Variants in TENM3 observed in about 807,000 individuals in gnomAD.
TENM3 encodes the protein teneurin-3.
In TENM3, 63 loss-of-function variants were observed where a neutral mutation model predicts 255.1. The observed-to-expected ratio is 0.25, with a 90% CI of 0.20 to 0.30. The LOEUF is 0.30. TENM3 is among the 10% of genes least tolerant of loss of function. TENM3 has a pLI of 1.00. For missense variants in TENM3, 2,929 were observed against 3,461.1 expected (o/e 0.85, Z 3.86); for synonymous variants, 1,306 against 1,322.3 (o/e 0.99, Z 0.27).
intron 4 of TENM3, among the ~76,000 whole-genome samples, chr4:182,618,289 A>G (rs548201761): frequency 6.6e-6 from 1 of 152,224 alleles, no homozygotes; most frequent in African/African-American, 2.4e-5. Flanking sequence ...AATTTATTAA[A>G]CTGTATTCTT....
chr4:182,067,302 G>A, the TENM3 span, among the ~76,000 whole-genome samples: 2 of 152,146 alleles, frequency 1.3e-5, no homozygotes, highest in East Asian at 3.9e-4. Flanking sequence ...GACGAACGGA[G>A]TGTTCATGAA....
the TENM3 span, among the ~76,000 whole-genome samples, chr4:181,916,397 A>G: frequency 6.2e-4 from 94 of 152,298 alleles, 1 homozygote; most frequent in African/African-American, 2.2e-3. Context: ...GCTAATAAAC[A>G]TTATCTCCAT....
the TENM3 span, among the ~76,000 whole-genome samples, chr4:181,860,423 C>T: frequency 6.6e-6 from 1 of 152,146 alleles, no homozygotes. Context: ...GCTCCTTCGC[C>T]AAGTGTTACA....
At chr4:182,382,251 G>T (rs1767623096) in intron 3 of TENM3, among the ~76,000 whole-genome samples, 1 of 151,926 alleles carries the variant, frequency 6.6e-6, no homozygotes, top group Non-Finnish European at 1.5e-5. Context: ...AAGAAAAAAG[G>T]GGCTAATTCT....
At chr4:182,463,544 C>T (rs576979923) in intron 3 of TENM3, among the ~76,000 whole-genome samples, 1 of 151,918 alleles carries the variant, frequency 6.6e-6, no homozygotes, top group South Asian at 2.1e-4. Flanking sequence ...GATCTCTGCT[C>T]ACTGCAAACT....
intron 3 of TENM3, among the ~76,000 whole-genome samples, chr4:182,558,150 A>G (rs1742763197): frequency 6.6e-6 from 1 of 152,278 alleles, no homozygotes; most frequent in South Asian, 2.1e-4. Context: ...GGAGTGCACA[A>G]GAGGAAAGAA....
intron 3 of TENM3, among the ~76,000 whole-genome samples, chr4:182,466,510 T>G (rs114453072): frequency 9.9e-4 from 150 of 152,090 alleles, no homozygotes; most frequent in African/African-American, 3.5e-3. Context: ...TTTTTATATT[T>G]TTTGTGGAGG....
At chr4:182,770,796 G>A (rs530565702) in intron 22 of TENM3, among the ~76,000 whole-genome samples, 37 of 152,258 alleles carry the variant, frequency 2.4e-4, no homozygotes, top group Middle Eastern at 3.4e-3. Context: ...TAGCTTGCAC[G>A]GAAAGGCTGT....
chr4:182,011,882 C>T, the TENM3 span, among the ~76,000 whole-genome samples: 19 of 152,192 alleles, frequency 1.2e-4, no homozygotes, highest in South Asian at 1.2e-3. Context: ...ATATAGATTC[C>T]CCTCTAGCCC....
chr4:181,516,380 AAAG>A, the TENM3 span, among the ~76,000 whole-genome samples: 68 of 151,414 alleles, frequency 4.5e-4, no homozygotes, highest in African/African-American at 1.2e-3. Flanking sequence ...AAAAAAAAAA[AAAG>A]AAAGAAAGAG....
chr4:182,304,742 G>C (rs142758644), intron 1 of TENM3, among the ~76,000 whole-genome samples: 2 of 152,258 alleles, frequency 1.3e-5, no homozygotes, highest in South Asian at 4.1e-4. Context: ...CTCACCTGTC[G>C]TGTCCAATAG....
the TENM3 span, among the ~76,000 whole-genome samples, chr4:181,592,580 G>A: frequency 6.6e-6 from 1 of 151,466 alleles, no homozygotes; most frequent in Non-Finnish European, 1.5e-5. Flanking sequence ...GGGTTTGGCT[G>A]GTATTTTCAG....
intron 6 of TENM3, among the ~76,000 whole-genome samples, chr4:182,662,558 C>G (rs931901439): frequency 2.0e-5 from 3 of 152,150 alleles, no homozygotes; most frequent in African/African-American, 4.8e-5. Context: ...TACAGACAAC[C>G]TTAGTGTTTC....
At chr4:181,603,544 C>T in the TENM3 span, among the ~76,000 whole-genome samples, 1 of 152,110 alleles carries the variant, frequency 6.6e-6, no homozygotes, top group Admixed American at 6.6e-5. Context: ...AAAGCAAATA[C>T]AGCAGCAGTG....
chr4:181,724,084 G>C, the TENM3 span, among the ~76,000 whole-genome samples: 3 of 152,190 alleles, frequency 2.0e-5, no homozygotes, highest in African/African-American at 7.2e-5. Context: ...CTTCTCCACT[G>C]GTTCACCTTA....
At chr4:181,950,362 A>G in the TENM3 span, among the ~76,000 whole-genome samples, 4 of 152,238 alleles carry the variant, frequency 2.6e-5, no homozygotes, top group South Asian at 8.3e-4. Flanking sequence ...TGAAATAAAC[A>G]GCCATGTTGC....
chr4:182,260,928 T>G (rs1040803294), intron 1 of TENM3, among the ~76,000 whole-genome samples: 1 of 152,064 alleles, frequency 6.6e-6, no homozygotes, highest in Non-Finnish European at 1.5e-5. Context: ...CAGGCTGGAG[T>G]GCAGAGGCGT....
At chr4:182,137,499 T>C in the TENM3 span, among the ~76,000 whole-genome samples, 1 of 152,230 alleles carries the variant, frequency 6.6e-6, no homozygotes, top group African/African-American at 2.4e-5. Context: ...CAGGGTTGGA[T>C]TCATTGGTGA....
the TENM3 span, among the ~76,000 whole-genome samples, chr4:181,971,136 T>C: frequency 3.3e-4 from 50 of 152,294 alleles, no homozygotes; most frequent in Non-Finnish European, 5.9e-4. Context: ...TTTTTAGTGA[T>C]ATTCAGGAAA....
Sources: allele counts gnomAD v4.1 joint callset (sites outside exome capture counted in the v4.1 genomes callset), GRCh38; gene constraint gnomAD v4.1.1; transcripts MANE v1.5; gene names NCBI Gene and HGNC (gene_info 2026-07-23, HGNC 2026-07-21).